Variants in HELB observed in about 807,000 individuals in gnomAD.
The protein encoded by HELB is DNA 5'-3' helicase B.
Under a neutral mutation model 101.7 loss-of-function variants are expected in HELB, and 96 were observed. The observed-to-expected ratio is 0.94, with a 90% CI of 0.80 to 1.12. The LOEUF is 1.12. Among genes scored for constraint, HELB ranks in the 50% most tolerant of loss-of-function variants. The probability of loss-of-function intolerance (pLI) is 0.00; values close to 1 mark genes in which losing one functional copy is unlikely to be tolerated. For synonymous variants in HELB, 437 were observed against 459.7 expected, an observed-to-expected ratio of 0.95 and a Z score of 0.63; for missense variants, 1,210 against 1,291.9, an observed-to-expected ratio of 0.94 and a Z score of 0.97.
At chr12:66,318,518 CT>C in intron 6 of HELB, 119 bp from the exon 7 acceptor site, 1 of 886,802 alleles carries the variant, frequency 1.1e-6, no homozygotes, top group Non-Finnish European at 1.6e-6. Flanking sequence ...CCTGGATGAC[CT>C]TTTCTCTCTG....
intron 4 of HELB, among the ~76,000 whole-genome samples, chr12:66,313,455 A>T (rs1162202471): frequency 2.0e-5 from 3 of 152,102 alleles, no homozygotes; most frequent in Non-Finnish European, 4.4e-5. Context: ...TTTACAACCA[A>T]TTTTTTTCTC....
At chr12:66,325,313 T>C (rs2053724382) in intron 11 of HELB, among the ~76,000 whole-genome samples, 187 bp downstream of exon 11, 1 of 152,172 alleles carries the variant, frequency 6.6e-6, no homozygotes, top group Non-Finnish European at 1.5e-5. Context: ...CTCTCTTTAT[T>C]TTTAGAAACA....
intron 11 of HELB, among the ~76,000 whole-genome samples, chr12:66,330,829 C>T (rs764819849): frequency 5.3e-5 from 8 of 151,614 alleles, no homozygotes; most frequent in Non-Finnish European, 1.0e-4. Flanking sequence ...AATGGGTTAA[C>T]ACATTTACAC....
At chr12:66,324,635 A>G in intron 10 of HELB, 3 of 286,766 alleles carry the variant, frequency 1.0e-5, no homozygotes, top group Non-Finnish European at 2.0e-5. Context: ...AGATACCCTC[A>G]CTGAAAGCTG....
chr12:66,332,035 G>A (rs1197834963), intron 12 of HELB, among the ~76,000 whole-genome samples: 1 of 152,194 alleles, frequency 6.6e-6, no homozygotes, highest in Non-Finnish European at 1.5e-5. Context: ...GATTGTCATG[G>A]TGGAGACAGT....
At chr12:66,328,042 T>A (rs1226222482) in intron 11 of HELB, among the ~76,000 whole-genome samples, 1 of 151,892 alleles carries the variant, frequency 6.6e-6, no homozygotes, top group African/African-American at 2.4e-5. Context: ...GTCTGTCTGG[T>A]ATAGTTGAGA....
intron 12 of HELB, among the ~76,000 whole-genome samples, chr12:66,333,527 A>G (rs2053831818): frequency 6.6e-6 from 1 of 152,042 alleles, no homozygotes; most frequent in Non-Finnish European, 1.5e-5. Context: ...TCTACTAAAA[A>G]TACAAAAAAT....
intron 6 of HELB, 121 bp downstream of exon 6, chr12:66,315,504 T>C (rs1184979509): frequency 3.3e-6 from 2 of 608,212 alleles, no homozygotes; most frequent in Admixed American, 7.9e-5. Flanking sequence ...AACTCTTCCA[T>C]CCTTCAACTA....
In HELB at chr12:66,322,731, T is replaced by C. The variant is rs901614562; in HGVS notation, c.2245T>C (p.Cys749Arg). ...CATTTTCGTGTGTTTCAGGCAAGACTGTGATCTAATTAATGACTGCTGCTG... is the reference window on the plus strand; with the variant it reads ...CATTTTCGTGTGTTTCAGGCAAGACCGTGATCTAATTAATGACTGCTGCTG... ...SQFIAFRRQD[C>R]DLINDCCCKH... Residue 749 changes from cysteine (C) to arginine (R), a missense_variant, in exon 9 of 13, where the codon TGT becomes CGT. Physicochemically the swap from Cys to Arg is radical, Grantham distance 180. This residue lies in a region of HELB where 740 missense variants were observed against 728.8 expected (regional missense o/e 1.02). Coordinates refer to ENST00000247815, the MANE Select transcript of HELB (RefSeq NM_001370285.1). 6.2e-7 allele frequency: 1 copy of C among 1,610,230 alleles called. No homozygotes were observed. The highest frequency in any genetic ancestry group is 8.5e-7 in the Non-Finnish European group (1 of 1,177,936).
intron 12 of HELB, among the ~76,000 whole-genome samples, chr12:66,337,338 T>A (rs1036263623): frequency 7.2e-5 from 11 of 152,166 alleles, no homozygotes; most frequent in African/African-American, 2.7e-4. Flanking sequence ...TTTCTGAAAT[T>A]AAACTTGTCA....
intron 12 of HELB, among the ~76,000 whole-genome samples, chr12:66,336,189 A>G (rs2053864690): frequency 6.6e-6 from 1 of 152,184 alleles, no homozygotes; most frequent in African/African-American, 2.4e-5. Context: ...TGAAAGTCAT[A>G]CTTTTATTCT....
In HELB at chr12:66,302,593, T is replaced by C; in HGVS notation, c.-11T>C. The C allele has an allele frequency of 6.2e-7, 1 of 1,610,720 alleles. No individual in the cohort carries two copies. The highest frequency in any genetic ancestry group is 8.5e-7 in the Non-Finnish European group (1 of 1,177,282). Reference sequence around the variant, plus strand: ...TTTTCCCGAGTTGTTTGGGTTGAGTTCAGGAGAAGCATGGCCAGGTCGAGT... The same window carrying C: ...TTTTCCCGAGTTGTTTGGGTTGAGTCCAGGAGAAGCATGGCCAGGTCGAGT... On this transcript the variant is annotated 5_prime_UTR_variant, in exon 1 of 13. Coordinates refer to ENST00000247815, the MANE Select transcript of HELB (RefSeq NM_001370285.1).
At position 66,329,336 on chromosome 12, in the gene HELB, G is replaced by A. The variant is rs564734188; in HGVS notation, c.2671-1818G>A. Among the ~76,000 whole-genome samples the A allele has an allele frequency of 3.3e-4, 51 of 152,286 alleles. No individual in the cohort carries two copies. The South Asian group carries it at 9.1e-3, about 27-fold the overall frequency. ...GAGAAAGAACAGTGAGTAGGATAAA[G>A]GTGAAGCTCTGCCTTCATGGAGCTT... On this transcript the variant is annotated intron_variant, in intron 11 of 12. Coordinates refer to ENST00000247815, the MANE Select transcript of HELB (RefSeq NM_001370285.1).
chr12:66,322,658 C>A, intron 8 of HELB, 66 bp from the exon 9 acceptor site: 1 of 948,436 alleles, frequency 1.1e-6, no homozygotes, highest in Non-Finnish European at 1.6e-6. Context: ...GTCATAATTG[C>A]TGATAACAAA....
intron 12 of HELB, among the ~76,000 whole-genome samples, chr12:66,337,254 C>G (rs898221901): frequency 6.6e-6 from 1 of 151,962 alleles, no homozygotes; most frequent in East Asian, 1.9e-4. Flanking sequence ...CAGTAGAATC[C>G]CTGCTGATTC....
intron 12 of HELB, among the ~76,000 whole-genome samples, chr12:66,334,542 A>C (rs2053845162): frequency 6.6e-6 from 1 of 151,746 alleles, no homozygotes; most frequent in Non-Finnish European, 1.5e-5. Context: ...TGGGAGGCCA[A>C]GGTGGGCGGA....
At chr12:66,323,918 A>G (rs1193952224) in intron 9 of HELB, 65 bp from the exon 10 acceptor site, 5 of 1,014,990 alleles carry the variant, frequency 4.9e-6, no homozygotes, top group Non-Finnish European at 7.7e-6. Context: ...GTAGTAGTTA[A>G]TGTTTGAACA....
In HELB at chr12:66,325,252, A is replaced by G. The variant is rs113838092; in HGVS notation, c.2670+126A>G. On this transcript the variant is annotated intron_variant, in intron 11 of 12. Transcript: ENST00000247815. ...ATTAGGAAACAAAATACACAAAAGT[A>G]CAGAACATAATAGAGAAGACGCCAC... is the stretch of plus-strand genomic sequence containing the variant. 4.7e-6 allele frequency: 3 copies of G among 642,686 alleles called. No homozygotes were observed. In the African/African-American group the frequency reaches 5.5e-5, roughly 12 times the overall value. 39.8% of individuals were successfully genotyped at this position (642,686 alleles called of 1,614,324 possible).
chr12:66,334,518 T>C (rs1042101207), intron 12 of HELB, among the ~76,000 whole-genome samples: 2 of 147,346 alleles, frequency 1.4e-5, no homozygotes, highest in Admixed American at 6.8e-5. Context: ...CTCACACCTG[T>C]AATCCTAGCT....
Sources: allele counts gnomAD v4.1 joint callset (sites outside exome capture counted in the v4.1 genomes callset), GRCh38; gene constraint gnomAD v4.1.1; regional missense constraint gnomAD v4.1.1; transcripts MANE v1.5; gene names NCBI Gene and HGNC (gene_info 2026-07-23, HGNC 2026-07-21).